Variants in GLMN observed in about 807,000 individuals in gnomAD.
The protein encoded by GLMN is glomulin.
A neutral mutation model predicts 87.8 loss-of-function variants in GLMN; 75 were observed. The observed-to-expected ratio is 0.85, with a 90% CI of 0.71 to 1.04. The LOEUF is 1.04. Ranked by LOEUF, GLMN falls within the 50% of genes least tolerant of loss-of-function variation. GLMN has a pLI of 0.00. For missense variants in GLMN, 588 were observed against 658.8 expected (o/e 0.89, Z 1.18); for synonymous variants, 206 against 221.6 (o/e 0.93, Z 0.63).
At chr1:92,269,646 G>C (rs1188280922) in intron 9 of GLMN, 77 bp downstream of exon 9, 1 of 920,724 alleles carries the variant, frequency 1.1e-6, no homozygotes, top group Non-Finnish European at 1.8e-6. Flanking sequence ...GCAAAGAAAA[G>C]GCAGTCTCCG....
At chr1:92,246,989 C>T (rs1652760410) in intron 18 of GLMN, 73 bp downstream of exon 18, 3 of 841,998 alleles carry the variant, frequency 3.6e-6, no homozygotes, top group African/African-American at 1.7e-5. Flanking sequence ...TGCCACTGCA[C>T]TCCAGCTTGG....
the GLMN span, among the ~76,000 whole-genome samples, chr1:92,322,835 C>G: frequency 6.9e-6 from 1 of 145,902 alleles, no homozygotes; most frequent in Non-Finnish European, 1.5e-5. Flanking sequence ...TGAGTTCACA[C>G]CATTGCACTC....
chr1:92,286,944 T>C (rs1391525130), intron 6 of GLMN, among the ~76,000 whole-genome samples: 1 of 152,352 alleles, frequency 6.6e-6, no homozygotes, highest in East Asian at 1.9e-4. Context: ...TGTGAACCAA[T>C]GAATTTCTGT....
upstream of GLMN, chr1:92,300,320 T>C: frequency 8.8e-7 from 1 of 1,138,524 alleles, no homozygotes; most frequent in Non-Finnish European, 1.3e-6. Flanking sequence ...CAATAATGGT[T>C]ACCTTTTTTT....
chr1:92,274,947 C>T (rs1473586584), intron 7 of GLMN, among the ~76,000 whole-genome samples: 2 of 152,194 alleles, frequency 1.3e-5, no homozygotes, highest in Admixed American at 1.3e-4. Flanking sequence ...GCTGAACTAT[C>T]TGCACCCTGT....
the GLMN span, chr1:92,323,712 A>G: frequency 6.2e-7 from 1 of 1,614,124 alleles, no homozygotes; most frequent in Non-Finnish European, 8.5e-7. Context: ...AAGACAAAGA[A>G]CAGACAGTAG....
At chr1:92,330,392 T>C in the GLMN span, among the ~76,000 whole-genome samples, 5 of 151,548 alleles carry the variant, frequency 3.3e-5, no homozygotes, top group Non-Finnish European at 5.9e-5. Flanking sequence ...GTTTAGAAGA[T>C]CACTCATTGA....
chr1:92,246,984 C>T (rs1170734645), intron 18 of GLMN, 78 bp downstream of exon 18: 5 of 813,364 alleles, frequency 6.1e-6, no homozygotes, highest in African/African-American at 3.3e-5. Context: ...AATCATGCCA[C>T]TGCACTCCAG....
intron 16 of GLMN, among the ~76,000 whole-genome samples, chr1:92,254,111 C>T (rs998299628): frequency 6.6e-6 from 1 of 151,958 alleles, no homozygotes; most frequent in African/African-American, 2.4e-5. Context: ...ACAAGAACTT[C>T]GTGAAGCATA....
At chr1:92,333,121 T>G in the GLMN span, 2 of 360,422 alleles carry the variant, frequency 5.5e-6, no homozygotes, top group Non-Finnish European at 1.0e-5. Context: ...TCTTTTTGTT[T>G]ACATTTTATT....
At chr1:92,293,885 T>C (rs1038807074) in intron 3 of GLMN, among the ~76,000 whole-genome samples, 13 of 152,062 alleles carry the variant, frequency 8.5e-5, no homozygotes. Context: ...TCTCACTTTT[T>C]TGTGGGATCT....
the GLMN span, among the ~76,000 whole-genome samples, chr1:92,350,940 A>C: frequency 1.3e-5 from 2 of 151,998 alleles, no homozygotes; most frequent in African/African-American, 4.8e-5. Context: ...TCAAAATAAA[A>C]GATAGTCTTC....
the GLMN span, among the ~76,000 whole-genome samples, chr1:92,311,830 A>T: frequency 6.6e-6 from 1 of 152,230 alleles, no homozygotes; most frequent in Non-Finnish European, 1.5e-5. Flanking sequence ...TCTTTAAAAA[A>T]TAATGTACAT....
chr1:92,370,095 G>C, the GLMN span, among the ~76,000 whole-genome samples: 515 of 152,236 alleles, frequency 3.4e-3, 2 homozygotes, highest in African/African-American at 0.012. Flanking sequence ...ATGTTGGCCA[G>C]GCTTGTCTTG....
intron 5 of GLMN, 64 bp downstream of exon 5, chr1:92,290,134 G>T: frequency 1.1e-6 from 1 of 910,390 alleles, no homozygotes; most frequent in Non-Finnish European, 1.8e-6. Context: ...TTGACATTTT[G>T]AGGTAACCAT....
upstream of GLMN, among the ~76,000 whole-genome samples, chr1:92,299,991 G>T (rs1650694072): frequency 6.6e-6 from 1 of 152,158 alleles, no homozygotes. Context: ...TACACACTAG[G>T]CTATATGGTA....
At chr1:92,351,251 A>G in the GLMN span, among the ~76,000 whole-genome samples, 1 of 143,766 alleles carries the variant, frequency 7.0e-6, no homozygotes, top group Non-Finnish European at 1.5e-5. Flanking sequence ...AGGTTGCAGT[A>G]AGCCAAGATT....
chr1:92,320,554 G>C, the GLMN span: 1 of 1,580,638 alleles, frequency 6.3e-7, no homozygotes, highest in Admixed American at 1.7e-5. Context: ...ACAGGCATGA[G>C]CCACCGCACC....
the GLMN span, among the ~76,000 whole-genome samples, chr1:92,349,399 C>A: frequency 6.6e-6 from 1 of 152,258 alleles, no homozygotes; most frequent in South Asian, 2.1e-4. Context: ...GAAGAGGATA[C>A]ATACATACAC....
Sources: allele counts gnomAD v4.1 joint callset (sites outside exome capture counted in the v4.1 genomes callset), GRCh38; gene constraint gnomAD v4.1.1; transcripts MANE v1.5; gene names NCBI Gene and HGNC (gene_info 2026-07-23, HGNC 2026-07-21).